The following DPP8 variants were observed in gnomAD, a reference collection of about 807,000 sequenced individuals.
The protein encoded by DPP8 is dipeptidyl peptidase 8.
Under a neutral mutation model 107.5 loss-of-function variants are expected in DPP8, and 31 were observed. The ratio of observed to expected loss-of-function variants is 0.29; its 90% CI spans 0.22 to 0.39. DPP8 has a LOEUF of 0.39. Among genes scored for constraint, DPP8 ranks in the 10% least tolerant of loss-of-function variants. The pLI is 1.00. For missense variants in DPP8, 842 were observed against 1,076.1 expected (o/e 0.78, Z 3.04); for synonymous variants, 381 against 356.6 (o/e 1.07, Z -0.77).
At chr15:65,504,079 C>T (rs953019809) in intron 3 of DPP8, among the ~76,000 whole-genome samples, 9 of 150,558 alleles carry the variant, frequency 6.0e-5, no homozygotes, top group East Asian at 2.1e-4. Flanking sequence ...AAAAAAATTG[C>T]GGGCCGGGTG....
chr15:65,488,615 A>C (rs1282318911), intron 6 of DPP8, among the ~76,000 whole-genome samples: 8 of 151,044 alleles, frequency 5.3e-5, no homozygotes, highest in Admixed American at 2.0e-4. Flanking sequence ...AAAAAAAAAA[A>C]AAAAAAAAAA....
chr15:65,506,649 A>AT (rs11413806), intron 3 of DPP8, among the ~76,000 whole-genome samples: 139,580 of 148,624 alleles, frequency 0.94, 65,541 homozygotes, highest in Admixed American at 0.96. Context: ...ACATATATAA[A>AT]ATATATAAAC....
rs770380797 is a variant in DPP8 at position 65,443,889 on chromosome 15, C to G, written c.*2995G>C. 4 of 152,256 alleles carry G rather than the reference C, an allele frequency of 2.6e-5. No homozygotes were observed. The East Asian group carries it at 7.7e-4, about 29-fold the overall frequency. The allele number at this position is 152,256 out of a possible 1,614,324, so 9.4% of individuals were successfully genotyped here. A position where few individuals can be genotyped will look rare whatever the true frequency, so the allele number is the denominator to read the frequency against. On this transcript the variant is annotated 3_prime_UTR_variant, in exon 20 of 20. Transcript: ENST00000300141. ...TGTTAGAAATGCACATTCCTGGTGTCTACCCAAATCAATGGAATACAAATT... is the reference window on the plus strand; with the variant it reads ...TGTTAGAAATGCACATTCCTGGTGTGTACCCAAATCAATGGAATACAAATT...
intron 4 of DPP8, among the ~76,000 whole-genome samples, chr15:65,499,307 C>A (rs1396171588): frequency 6.6e-6 from 1 of 151,798 alleles, no homozygotes; most frequent in Non-Finnish European, 1.5e-5. Context: ...CAGCTCACTG[C>A]AACCTCCATC....
intron 7 of DPP8, among the ~76,000 whole-genome samples, chr15:65,487,216 C>G (rs2140862010): frequency 6.6e-6 from 1 of 151,810 alleles, no homozygotes; most frequent in South Asian, 2.1e-4. Context: ...ATGGCATGAT[C>G]TCAACTCACT....
intron 5 of DPP8, among the ~76,000 whole-genome samples, chr15:65,497,518 T>C (rs1355640996): frequency 6.6e-6 from 1 of 151,952 alleles, no homozygotes; most frequent in African/African-American, 2.4e-5. Flanking sequence ...CCTCCCAGAG[T>C]GCTAGGATTA....
At chr15:65,481,992 T>A (rs1263075781) in intron 8 of DPP8, among the ~76,000 whole-genome samples, 1 of 151,396 alleles carries the variant, frequency 6.6e-6, no homozygotes, top group Non-Finnish European at 1.5e-5. Flanking sequence ...ATACACACAC[T>A]AATTATATTT....
chr15:65,475,536 G>T, intron 11 of DPP8: 1 of 1,339,860 alleles, frequency 7.5e-7, no homozygotes. Flanking sequence ...AAACCAGCCC[G>T]GTGCAATCCA....
chr15:65,479,350 T>C (rs1410435822), intron 10 of DPP8, among the ~76,000 whole-genome samples: 3 of 152,198 alleles, frequency 2.0e-5, no homozygotes, highest in East Asian at 3.8e-4. Context: ...TTTAATAATA[T>C]AAATCTTGTT....
rs200622825 is a variant in DPP8, at chr15:65,473,266, A to C, written c.1536+943T>G. Among the ~76,000 whole-genome samples, 8 of 151,626 alleles carry C rather than the reference A, an allele frequency of 5.3e-5. No homozygotes were observed. The East Asian group carries it at 1.6e-3, about 29-fold the overall frequency. ...CTTGAACCCAGGAGGTGGAAGTTTC[A>C]GTAAGCCAAGATCATGCCACTGCAC... On this transcript the variant is annotated intron_variant, in intron 12 of 19. Coordinates refer to ENST00000300141, the MANE Select transcript of DPP8 (RefSeq NM_130434.5).
chr15:65,513,501 C>T (rs1046218651), intron 1 of DPP8, among the ~76,000 whole-genome samples: 3 of 152,116 alleles, frequency 2.0e-5, no homozygotes, highest in Middle Eastern at 3.2e-3. Context: ...CATGAGCCAC[C>T]GCGCCCAGCG....
At chr15:65,503,609 G>A (rs1004692350) in intron 3 of DPP8, among the ~76,000 whole-genome samples, 6 of 150,586 alleles carry the variant, frequency 4.0e-5, no homozygotes, top group African/African-American at 1.5e-4. Flanking sequence ...CGCCCTACCT[G>A]ACTAATTTTT....
At chr15:65,447,751 C>T (rs923357141) in intron 19 of DPP8, among the ~76,000 whole-genome samples, 1 of 152,118 alleles carries the variant, frequency 6.6e-6, no homozygotes, top group Non-Finnish European at 1.5e-5. Flanking sequence ...ATGAAGTGAG[C>T]TGGTCACTTC....
intron 14 of DPP8, 75 bp from the exon 15 acceptor site, chr15:65,463,981 G>C (rs1595895305): frequency 2.5e-6 from 3 of 1,186,586 alleles, no homozygotes; most frequent in East Asian, 5.2e-5. Flanking sequence ...CAAGAAACAA[G>C]ATATTAAAAG....
chr15:65,452,293 T>C (rs749057016), intron 17 of DPP8, among the ~76,000 whole-genome samples, 191 bp from the exon 18 acceptor site: 1 of 152,096 alleles, frequency 6.6e-6, no homozygotes, highest in Non-Finnish European at 1.5e-5. Context: ...ACTCTGTGAG[T>C]CAGTTTCATG....
intron 17 of DPP8, among the ~76,000 whole-genome samples, chr15:65,453,095 T>C (rs1178869138): frequency 6.6e-6 from 1 of 152,234 alleles, no homozygotes; most frequent in East Asian, 1.9e-4. Flanking sequence ...ATCATCCTTA[T>C]GTAATTTCTT....
In DPP8 at chr15:65,445,563, G is replaced by C. The variant is rs1317230186; in HGVS notation, c.*1321C>G. On this transcript the variant is annotated 3_prime_UTR_variant, in exon 20 of 20. Transcript: ENST00000300141. ...GCTTTAAACACCAAAAAAAAAAAGA[G>C]AGCCATGGCTTGCCAGGGATTAGTT... is the stretch of plus-strand genomic sequence containing the variant. 9.1e-5 allele frequency: 14 copies of C among 153,352 alleles called. No individual in the cohort carries two copies. The Admixed American group carries it at 9.2e-4, about 10-fold the overall frequency. The allele number at this position is 153,352 out of a possible 1,614,324, so 9.5% of individuals were successfully genotyped here.
chr15:65,495,496 C>G (rs910990335), intron 5 of DPP8, among the ~76,000 whole-genome samples: 1 of 151,798 alleles, frequency 6.6e-6, no homozygotes, highest in African/African-American at 2.4e-5. Context: ...CCCAGCTACT[C>G]AGGAGGCTGA....
chr15:65,482,669 T>A (rs2067037834), intron 8 of DPP8, among the ~76,000 whole-genome samples: 2 of 152,198 alleles, frequency 1.3e-5, no homozygotes, highest in South Asian at 4.1e-4. Flanking sequence ...AAATAATTTT[T>A]AAAAACTGCA....
Sources: gnomAD v4.1 joint callset for allele counts (sites outside exome capture counted in the v4.1 genomes callset) on GRCh38, gnomAD v4.1.1 for gene constraint, MANE v1.5 for transcripts, NCBI Gene and HGNC (gene_info 2026-07-23, HGNC 2026-07-21) for gene names.